The following ZNF529 variants were observed in gnomAD, a reference collection of about 807,000 sequenced individuals.
The protein encoded by ZNF529 is zinc finger protein 529.
A neutral mutation model predicts 10.1 loss-of-function variants in ZNF529; 11 were observed. The ratio of observed to expected loss-of-function variants is 1.09; its 90% confidence interval spans 0.69 to 1.81. ZNF529 has a LOEUF of 1.81. Ranked by LOEUF, ZNF529 falls within the 40% of genes most tolerant of loss-of-function variation. ZNF529 has a pLI of 0.00. For missense variants in ZNF529, 624 were observed against 666.8 expected, an observed-to-expected ratio of 0.94 and a Z score of 0.71; for synonymous variants, 204 against 215.7, an observed-to-expected ratio of 0.95 and a Z score of 0.47.
intron 2 of ZNF529, among the ~76,000 whole-genome samples, chr19:36,557,241 G>A (rs949531307): frequency 2.6e-5 from 4 of 152,178 alleles, no homozygotes; most frequent in African/African-American, 7.2e-5. Flanking sequence ...AGGCAAGGCT[G>A]TACTCCCAAT....
intron 1 of ZNF529, among the ~76,000 whole-genome samples, chr19:36,601,591 A>T (rs1167807556): frequency 6.6e-6 from 1 of 152,090 alleles, no homozygotes; most frequent in Non-Finnish European, 1.5e-5. Context: ...CCACATAATA[A>T]GGTTTTAAAT....
chr19:36,579,048 A>G (rs1391194579), intron 2 of ZNF529, among the ~76,000 whole-genome samples: 1 of 151,956 alleles, frequency 6.6e-6, no homozygotes, highest in Non-Finnish European at 1.5e-5. Context: ...TGTCTCTACT[A>G]AAAATTAGCC....
In ZNF529 at chr19:36,548,357, C is replaced by CA. The variant is rs746379947; in HGVS notation, c.236-36dup. 8.1e-6 allele frequency: 12 copies of CA among 1,472,392 alleles called. No homozygotes were observed. In the Admixed American group the frequency reaches 3.3e-4, roughly 40 times the overall value. 91.2% of individuals were successfully genotyped at this position (1,472,392 alleles called of 1,614,324 possible). A position where few individuals can be genotyped will look rare whatever the true frequency, so the allele number is the denominator to read the frequency against. ...AGGAAAAAATAATTTTCATGTACTA[C>CA]AAAAATAAAACAGTTATAGAAAGAA... On this transcript the variant is annotated intron_variant, in intron 4 of 4. Coordinates refer to ENST00000591340, the MANE Select transcript of ZNF529 (RefSeq NM_020951.5).
chr19:36,557,732 C>T (rs941939016), intron 2 of ZNF529, among the ~76,000 whole-genome samples: 2 of 152,202 alleles, frequency 1.3e-5, no homozygotes, highest in African/African-American at 4.8e-5. Context: ...GACAAAAGTA[C>T]TGGAGTTCCA....
At chr19:36,577,258 C>T (rs1461964093), upstream of ZNF529, 1 of 424,876 alleles carries the variant, frequency 2.4e-6, no homozygotes, top group Non-Finnish European at 4.7e-6. Flanking sequence ...CCGTGCCCGG[C>T]CCTACTTTCT....
In ZNF529 at chr19:36,573,155, C is replaced by G. The variant is rs1182801443; in HGVS notation, c.-62G>C. On this transcript the variant is annotated 5_prime_UTR_variant, in exon 1 of 5. Transcript: ENST00000591340. ...TAGCACTAACCACCATCGTCCGCAG[C>G]TCCCGCGTACAGAGGCCTCAGGCTC... is the stretch of plus-strand genomic sequence containing the variant. 1 of 302,186 alleles carries G rather than the reference C, an allele frequency of 3.3e-6. No individual in the cohort carries two copies. The highest frequency in any genetic ancestry group is 2.7e-5 in the South Asian group (1 of 36,374). The allele number at this position is 302,186 out of a possible 1,614,324, so 18.7% of individuals were successfully genotyped here. A position where few individuals can be genotyped will look rare whatever the true frequency, so the allele number is the denominator to read the frequency against.
intron 2 of ZNF529, among the ~76,000 whole-genome samples, chr19:36,565,413 G>T (rs2145831150): frequency 6.6e-6 from 1 of 152,206 alleles, no homozygotes; most frequent in South Asian, 2.1e-4. Flanking sequence ...ATACAAAAAT[G>T]AAGAACAGGC....
chr19:36,572,245 G>A, intron 2 of ZNF529, 88 bp downstream of exon 2: 1 of 1,404,676 alleles, frequency 7.1e-7, no homozygotes, highest in East Asian at 2.5e-5. Flanking sequence ...AGGCAATGGA[G>A]GACAAGGGGA....
Position 36,547,151 on chromosome 19 carries a change from T to G in ZNF529, c.1407A>C (p.Gln469His), listed in dbSNP as rs1479308858. The change falls in exon 5 of 5, where the codon CAA becomes CAC. Residue 469 changes from glutamine to histidine, a missense_variant. By Grantham distance (24) the Gln-to-His change is conservative. Coordinates refer to ENST00000591340, the MANE Select transcript of ZNF529 (RefSeq NM_020951.5). ...AAGGTTTCTCACCACTATGAATTCTTTGATGTTGAATAAGGGCTGACGTAA... is the reference window on the plus strand; with the variant it reads ...AAGGTTTCTCACCACTATGAATTCTGTGATGTTGAATAAGGGCTGACGTAA... The part of the protein sequence containing the change: ...FRLTSALIQH[Q>H]RIHSGEKPYE... 6.2e-7 allele frequency: 1 copy of G among 1,612,002 alleles called. No individual in the cohort carries two copies. The highest frequency in any genetic ancestry group is 2.2e-5 in the East Asian group (1 of 44,650).
chr19:36,562,586 A>T (rs1276677275), intron 2 of ZNF529, among the ~76,000 whole-genome samples: 2 of 152,096 alleles, frequency 1.3e-5, no homozygotes, highest in Non-Finnish European at 2.9e-5. Flanking sequence ...CTGTAATCCT[A>T]GCACTTTGGG....
chr19:36,585,369 G>A (rs888147367), intron 2 of ZNF529, among the ~76,000 whole-genome samples: 1 of 152,196 alleles, frequency 6.6e-6, no homozygotes, highest in Non-Finnish European at 1.5e-5. Flanking sequence ...TAACAGGGCT[G>A]CAGAGCAGTC....
intron 1 of ZNF529, among the ~76,000 whole-genome samples, chr19:36,594,888 T>TC (rs903055011): frequency 3.3e-5 from 5 of 151,622 alleles, no homozygotes; most frequent in African/African-American, 1.2e-4. Context: ...TTTTTTCTTT[T>TC]TTTTTTTTGA....
intron 2 of ZNF529, among the ~76,000 whole-genome samples, chr19:36,568,659 A>G (rs1001323641): frequency 6.6e-6 from 1 of 151,832 alleles, no homozygotes; most frequent in African/African-American, 2.4e-5. Context: ...TTTAATAGAG[A>G]CAGGGTTTCA....
chr19:36,579,720 T>C (rs547229511), intron 2 of ZNF529, among the ~76,000 whole-genome samples: 1 of 152,296 alleles, frequency 6.6e-6, no homozygotes, highest in African/African-American at 2.4e-5. Context: ...TGAATGGAGC[T>C]TGTGGGACTG....
chr19:36,573,428 C>T (rs1331709272), upstream of ZNF529: 2 of 470,768 alleles, frequency 4.2e-6, no homozygotes, highest in African/African-American at 2.0e-5. Context: ...GCCCCAGACC[C>T]TGGAGTTTCC....
At chr19:36,562,178 C>T (rs1026973077) in intron 2 of ZNF529, among the ~76,000 whole-genome samples, 2 of 151,516 alleles carry the variant, frequency 1.3e-5, no homozygotes, top group Non-Finnish European at 2.9e-5. Flanking sequence ...GCGGAGGTTG[C>T]GGTGAGCCGA....
chr19:36,588,841 A>G (rs2036639368), intron 2 of ZNF529, among the ~76,000 whole-genome samples: 2 of 152,086 alleles, frequency 1.3e-5, no homozygotes, highest in South Asian at 4.1e-4. Flanking sequence ...ATCCTTTGTA[A>G]TATCCTTTAT....
At position 36,546,057 on chromosome 19, in the gene ZNF529, G is replaced by GTATATA. The variant is rs1379704584; in HGVS notation, c.*808_*809insTATATA. 4 of 79,332 alleles carry GTATATA rather than the reference G, an allele frequency of 5.0e-5. No homozygotes were observed. Among genetic ancestry groups the GTATATA allele is most frequent in the African/African-American group, 1.7e-4 (4 of 23,822 alleles). 4.9% of individuals were successfully genotyped at this position (79,332 alleles called of 1,614,324 possible). A position where few individuals can be genotyped will look rare whatever the true frequency, so the allele number is the denominator to read the frequency against. The stretch of plus-strand genomic sequence containing the variant: ...ATATATACATATATTGTGTGTGTGT[G>GTATATA]TGTGTATATATATATATATATATAG... On this transcript the variant is annotated 3_prime_UTR_variant, in exon 5 of 5. Coordinates refer to ENST00000591340, the MANE Select transcript of ZNF529 (RefSeq NM_020951.5).
Position 36,546,788 on chromosome 19 carries a change from G to T in ZNF529, c.*78C>A, listed in dbSNP as rs1049694675. 4.1e-6 allele frequency: 6 copies of T among 1,453,050 alleles called. No individual in the cohort carries two copies. The South Asian group carries it at 8.3e-5, about 20-fold the overall frequency. The allele number at this position is 1,453,050 out of a possible 1,614,324, so 90.0% of individuals were successfully genotyped here. On this transcript the variant is annotated 3_prime_UTR_variant, in exon 5 of 5. Coordinates refer to ENST00000591340, the MANE Select transcript of ZNF529 (RefSeq NM_020951.5). The stretch of plus-strand genomic sequence containing the variant: ...CTTTAAGAGAGGGAGATACTGAATT[G>T]CCTTGATTACCTATTAAATCCATCC...
Sources: allele counts gnomAD v4.1 joint callset (sites outside exome capture counted in the v4.1 genomes callset), GRCh38; gene constraint gnomAD v4.1.1; transcripts MANE v1.5; gene names NCBI Gene and HGNC (gene_info 2026-07-23, HGNC 2026-07-21).